Variants in FAM78B observed in about 807,000 individuals in gnomAD.
FAM78B encodes family with sequence similarity 78 member B, also known as protein FAM78B.
In FAM78B, 10 loss-of-function variants were observed where a neutral mutation model predicts 20.0. The observed-to-expected ratio is 0.50, with a 90% CI of 0.31 to 0.85. FAM78B has a LOEUF of 0.85. Ranked by LOEUF, FAM78B falls within the 40% of genes least tolerant of loss-of-function variation. The probability of loss-of-function intolerance (pLI) is 0.05; values close to 1 mark genes in which losing one functional copy is unlikely to be tolerated. For missense variants in FAM78B, 283 were observed against 345.0 expected (o/e 0.82, Z 1.42); for synonymous variants, 135 against 132.8 (o/e 1.02, Z -0.12).
chr1:166,143,811 A>G (rs1035302437), intron 1 of FAM78B, among the ~76,000 whole-genome samples: 1 of 152,166 alleles, frequency 6.6e-6, no homozygotes, highest in African/African-American at 2.4e-5. Context: ...CTGACAATAC[A>G]TTGAGCCCTT....
At chr1:166,164,973 G>A (rs1339395865) in intron 1 of FAM78B, 2 of 152,268 alleles carry the variant, frequency 1.3e-5, no homozygotes, top group Admixed American at 6.5e-5. Flanking sequence ...GTCTAGTTCT[G>A]AAAGGAGGCG....
intron 1 of FAM78B, among the ~76,000 whole-genome samples, chr1:166,108,692 T>C (rs1368940047): frequency 6.6e-6 from 1 of 152,020 alleles, no homozygotes; most frequent in African/African-American, 2.4e-5. Flanking sequence ...AAAAAGAGCA[T>C]GCATAGCCAA....
intron 1 of FAM78B, among the ~76,000 whole-genome samples, chr1:166,105,018 T>C (rs192224301): frequency 1.3e-5 from 2 of 152,138 alleles, no homozygotes; most frequent in East Asian, 3.9e-4. Context: ...TATAGACCAA[T>C]GGAACAGAAC....
chr1:166,165,937 G>C, intron 1 of FAM78B, 49 bp downstream of exon 1: 1 of 1,611,306 alleles, frequency 6.2e-7, no homozygotes, highest in South Asian at 1.1e-5. Context: ...GTGGCAAGCA[G>C]AGCTGGGGGC....
At position 166,069,438 on chromosome 1, in the gene FAM78B, G is replaced by A. The variant is rs1651926665; in HGVS notation, c.*803C>T. On this transcript the variant is annotated 3_prime_UTR_variant, in exon 2 of 2. Transcript: ENST00000354422. The stretch of plus-strand genomic sequence containing the variant: ...CTGTAAACAAAATCAAGTTAGTTAG[G>A]ATTTCACTAAAACATGGACAGGGCC... 6.6e-6 allele frequency: 1 copy of A among 152,180 alleles called. No individual in the cohort carries two copies. The highest frequency in any genetic ancestry group is 1.5e-5 in the Non-Finnish European group (1 of 68,034). The allele number at this position is 152,180 out of a possible 1,614,324, so 9.4% of individuals were successfully genotyped here. A position where few individuals can be genotyped will look rare whatever the true frequency, so the allele number is the denominator to read the frequency against.
At chr1:166,077,884 AAT>A in intron 1 of FAM78B, among the ~76,000 whole-genome samples, 1 of 1,194 alleles carries the variant, frequency 8.4e-4, no homozygotes, top group East Asian at 0.045. Context: ...TTATATATAT[AAT>A]AAATATATAT....
chr1:166,117,491 A>G (rs1654305711), intron 1 of FAM78B, among the ~76,000 whole-genome samples: 1 of 151,914 alleles, frequency 6.6e-6, no homozygotes, highest in African/African-American at 2.4e-5. Context: ...AGAAGCTGCT[A>G]TTTCTCCTAT....
In FAM78B at chr1:166,109,896, A is replaced by ATGTATG. The variant is rs1274757469; in HGVS notation, c.264-39134_264-39133insCATACA. Reference sequence around the variant, plus strand: ...TATATATATATGTATATATGTATATATATATATATATATATATATATATAA... The same window carrying ATGTATG: ...TATATATATATGTATATATGTATATATGTATGTATATATATATATATATATATATAA... On this transcript the variant is annotated intron_variant, in intron 1 of 1. Transcript: ENST00000354422. 1.2e-4 allele frequency among the ~76,000 whole-genome samples: 7 copies of ATGTATG among 59,970 alleles called. 1 individual carries two copies. The highest frequency in any genetic ancestry group is 2.4e-4 in the Non-Finnish European group (7 of 29,642). 39.3% of individuals were successfully genotyped at this position (59,970 alleles called of 152,430 possible). A position where few individuals can be genotyped will look rare whatever the true frequency, so the allele number is the denominator to read the frequency against.
Position 166,069,828 on chromosome 1 carries a change from C to T in FAM78B, c.*413G>A, listed in dbSNP as rs561347601. ...AGTCAGACAGCAGGAGTCTGTCTTA[C>T]GACCACCTGGTGTGGATGTTTTCAC... On this transcript the variant is annotated 3_prime_UTR_variant, in exon 2 of 2. Transcript: ENST00000354422. The T allele has an allele frequency of 1.8e-4, 51 of 277,904 alleles. No homozygotes were observed. The highest frequency in any genetic ancestry group is 1.1e-3 in the African/African-American group (47 of 43,884). 17.2% of individuals were successfully genotyped at this position (277,904 alleles called of 1,614,324 possible).
chr1:166,135,482 A>G (rs1218174332), intron 1 of FAM78B, among the ~76,000 whole-genome samples: 1 of 152,242 alleles, frequency 6.6e-6, no homozygotes, highest in Non-Finnish European at 1.5e-5. Flanking sequence ...AGGATTTACA[A>G]TGAAAGCGTG....
chr1:166,152,693 T>C (rs1265048324), intron 1 of FAM78B, among the ~76,000 whole-genome samples: 1 of 151,102 alleles, frequency 6.6e-6, no homozygotes, highest in East Asian at 1.9e-4. Flanking sequence ...TATTTATTTA[T>C]TTATTGATGG....
chr1:166,138,331 C>A (rs558553713), intron 1 of FAM78B, among the ~76,000 whole-genome samples: 91 of 152,074 alleles, frequency 6.0e-4, no homozygotes, highest in Non-Finnish European at 1.1e-3. Context: ...AGTTGCCCAC[C>A]CCCTGTGTTT....
intron 1 of FAM78B, among the ~76,000 whole-genome samples, chr1:166,139,319 T>C (rs1393817331): frequency 6.6e-6 from 1 of 152,150 alleles, no homozygotes; most frequent in African/African-American, 2.4e-5. Flanking sequence ...AACAAGTGTC[T>C]CCAAGACCAA....
chr1:166,064,776 C>T (rs1168224276), downstream of FAM78B, among the ~76,000 whole-genome samples: 1 of 152,232 alleles, frequency 6.6e-6, no homozygotes, highest in Non-Finnish European at 1.5e-5. Context: ...TGAGGCAGCA[C>T]ATTAGGCAAT....
chr1:166,164,271 C>T (rs1656271818), intron 1 of FAM78B, among the ~76,000 whole-genome samples: 1 of 152,226 alleles, frequency 6.6e-6, no homozygotes, highest in Non-Finnish European at 1.5e-5. Context: ...TGCTGTCCTC[C>T]AGCAACCCAC....
chr1:166,073,580 C>T (rs1264825659), intron 1 of FAM78B, among the ~76,000 whole-genome samples: 1 of 149,268 alleles, frequency 6.7e-6, no homozygotes, highest in Non-Finnish European at 1.5e-5. Context: ...CTATAAAATG[C>T]ATGACTAGTT....
chr1:166,089,418 G>A (rs1652977929), intron 1 of FAM78B, among the ~76,000 whole-genome samples: 1 of 152,164 alleles, frequency 6.6e-6, no homozygotes, highest in African/African-American at 2.4e-5. Flanking sequence ...GTAGCGACAA[G>A]GGGCAAGAGG....
intron 1 of FAM78B, among the ~76,000 whole-genome samples, chr1:166,118,701 G>A (rs1654353852): frequency 6.6e-6 from 1 of 152,124 alleles, no homozygotes. Context: ...GCCCTTCAGA[G>A]AAAATGTTTG....
At chr1:166,092,092 T>C (rs1557896786) in intron 1 of FAM78B, among the ~76,000 whole-genome samples, 3 of 151,598 alleles carry the variant, frequency 2.0e-5, no homozygotes, top group South Asian at 2.1e-4. Flanking sequence ...CAAAAGTCTA[T>C]CTTTCTGAGG....
Sources: gnomAD v4.1 joint callset for allele counts (sites outside exome capture counted in the v4.1 genomes callset) on GRCh38, gnomAD v4.1.1 for gene constraint, MANE v1.5 for transcripts, NCBI Gene and HGNC (gene_info 2026-07-23, HGNC 2026-07-21) for gene names.